The following HMMR variants were observed in gnomAD, a reference collection of about 807,000 sequenced individuals.
The protein encoded by HMMR is hyaluronan mediated motility receptor, also known as intracellular hyaluronic acid-binding protein.
In HMMR, 108 loss-of-function variants were observed where a neutral mutation model predicts 101.0. That is an observed-to-expected ratio of 1.07 (90% CI 0.92 to 1.25). The LOEUF is 1.25. Ranked by LOEUF, HMMR falls within the 50% of genes most tolerant of loss-of-function variation. The probability of loss-of-function intolerance (pLI) is 0.00; values close to 1 mark genes in which losing one functional copy is unlikely to be tolerated. For synonymous variants in HMMR, 296 were observed against 276.4 expected (o/e 1.07, Z -0.70); for missense variants, 813 against 788.7 (o/e 1.03, Z -0.37).
chr5:163,487,569 T>C (rs994226748), intron 16 of HMMR, among the ~76,000 whole-genome samples: 1 of 152,166 alleles, frequency 6.6e-6, no homozygotes, highest in Non-Finnish European at 1.5e-5. Flanking sequence ...CTTGTGAATA[T>C]TTTTTGGTTA....
chr5:163,464,793 G>T lies in HMMR; in HGVS notation c.216G>T (p.Ser72=), dbSNP rs751047670. Residue 72 remains serine (S), a synonymous_variant, in exon 3 of 18, where the codon TCG becomes TCT. Coordinates refer to ENST00000393915, the MANE Select transcript of HMMR (RefSeq NM_001142556.2). ...LPASARKVKS[S]ESKKESQKND... ...CTTCAGCTAGAAAAGTTAAGTCTTC[G>T]GAATCAAAGGTGAGGAGCTTTTATA... The T allele has an allele frequency of 4.4e-6, 7 of 1,605,896 alleles. No individual in the cohort carries two copies. The highest frequency in any genetic ancestry group is 6.0e-6 in the Non-Finnish European group (7 of 1,173,060).
intron 4 of HMMR, 95 bp from the exon 5 acceptor site, chr5:163,469,546 A>AT (rs1758805667): frequency 5.1e-6 from 5 of 985,152 alleles, no homozygotes; most frequent in East Asian, 2.4e-5. Context: ...AAAATCAGAG[A>AT]TTTTTCCAGA....
intron 7 of HMMR, among the ~76,000 whole-genome samples, chr5:163,472,347 ACTCTT>A (rs776998445): frequency 1.8e-4 from 27 of 151,422 alleles, no homozygotes; most frequent in Non-Finnish European, 3.7e-4. Flanking sequence ...CCATCTCTTT[ACTCTT>A]CTCCTTTTGA....
At chr5:163,469,563 AGGG>A in intron 4 of HMMR, 75 bp from the exon 5 acceptor site, 1 of 1,163,584 alleles carries the variant, frequency 8.6e-7, no homozygotes, top group Non-Finnish European at 1.3e-6. Context: ...CAGAAACTTT[AGGG>A]GTGATTATTG....
chr5:163,488,351 TCA>T (rs966364208), intron 16 of HMMR, among the ~76,000 whole-genome samples: 1 of 152,142 alleles, frequency 6.6e-6, no homozygotes, highest in African/African-American at 2.4e-5. Context: ...CCGATTACTC[TCA>T]GACATTTTTT....
At chr5:163,468,533 T>A (rs1758770996) in intron 4 of HMMR, among the ~76,000 whole-genome samples, 1 of 152,248 alleles carries the variant, frequency 6.6e-6, no homozygotes, top group African/African-American at 2.4e-5. Flanking sequence ...TATATTAAAA[T>A]CTTTCATTTG....
intron 16 of HMMR, among the ~76,000 whole-genome samples, 153 bp from the exon 17 acceptor site, chr5:163,490,237 A>C (rs1252298711): frequency 1.3e-5 from 2 of 152,108 alleles, no homozygotes; most frequent in East Asian, 3.9e-4. Context: ...GTCATTTTGT[A>C]ATTCAGTCTT....
chr5:163,479,630 T>A (rs757047818), intron 12 of HMMR, among the ~76,000 whole-genome samples: 3 of 152,134 alleles, frequency 2.0e-5, no homozygotes, highest in Non-Finnish European at 4.4e-5. Context: ...ACCACTGCGC[T>A]CCAGCCTGGG....
intron 9 of HMMR, 87 bp from the exon 10 acceptor site, chr5:163,473,970 G>A: frequency 2.0e-6 from 2 of 1,023,152 alleles, no homozygotes; most frequent in Non-Finnish European, 1.5e-6. Context: ...GCTAAAAGCA[G>A]TGTAATGGAA....
intron 4 of HMMR, among the ~76,000 whole-genome samples, chr5:163,468,967 C>T (rs866261821): frequency 1.3e-5 from 2 of 152,064 alleles, no homozygotes; most frequent in Non-Finnish European, 2.9e-5. Flanking sequence ...AGAAGCCCAG[C>T]TCTGCCTTCT....
rs1374661366 is a variant in HMMR, at chr5:163,473,378, G to T, written c.726-1G>T. The stretch of plus-strand genomic sequence containing the variant: ...TTTTAAGATAATTTGTTTTAATGCA[G>T]TTGTGCTTCAGATCAAGTGGAAAAA... On this transcript the variant is annotated splice_acceptor_variant, in intron 8 of 17. Transcript: ENST00000393915. LOFTEE classifies it high-confidence loss of function. 2 of 1,607,220 alleles carry T rather than the reference G, an allele frequency of 1.2e-6. No individual in the cohort carries two copies. Among genetic ancestry groups the T allele is most frequent in the Non-Finnish European group, 1.7e-6 (2 of 1,176,286 alleles).
At chr5:163,465,415 C>T (rs1299638490) in intron 3 of HMMR, among the ~76,000 whole-genome samples, 3 of 152,118 alleles carry the variant, frequency 2.0e-5, no homozygotes, top group African/African-American at 7.2e-5. Flanking sequence ...CTTACTGCAG[C>T]CTCTGTCCCC....
intron 3 of HMMR, among the ~76,000 whole-genome samples, chr5:163,465,748 A>G (rs1196324014): frequency 6.6e-6 from 1 of 151,900 alleles, no homozygotes; most frequent in Non-Finnish European, 1.5e-5. Flanking sequence ...ACTTGAGGTC[A>G]GGAGTTTGAG....
At position 163,474,210 on chromosome 5, in the gene HMMR, T is replaced by A; in HGVS notation, c.1053+5T>A. On this transcript the variant is annotated splice_donor_5th_base_variant and intron_variant, in intron 10 of 17. Transcript: ENST00000393915. ...TCACTTCTGCAACAAGAGAAAGTAA[T>A]TTACCACCATATTTTTTTAAACTGT... 1 of 1,596,542 alleles carries A rather than the reference T, an allele frequency of 6.3e-7. No homozygotes were observed. Among genetic ancestry groups the A allele is most frequent in the Non-Finnish European group, 8.5e-7 (1 of 1,171,326 alleles).
chr5:163,482,710 C>A lies in HMMR; in HGVS notation c.1454C>A (p.Ala485Glu), dbSNP rs299295. 6.2e-7 allele frequency: 1 copy of A among 1,612,492 alleles called. No homozygotes were observed. Among genetic ancestry groups the A allele is most frequent in the Non-Finnish European group, 8.5e-7 (1 of 1,178,848 alleles). The change falls in exon 13 of 18, where the codon GCG becomes GAG. Residue 485 changes from alanine (A) to glutamate (E), a missense_variant. By Grantham distance (107) the Ala-to-Glu change is moderately radical (BLOSUM62 -1). Transcript: ENST00000393915. ...KLENSSLQEK[A>E]AKAGKNAEDV... is the part of the protein sequence containing the mutation. The stretch of plus-strand genomic sequence containing the variant: ...GAGAACTCATCATTACAGGAAAAAG[C>A]GGCCAAGGCTGGGAAAAATGCAGAG...
At chr5:163,468,917 G>C (rs1054591344) in intron 4 of HMMR, among the ~76,000 whole-genome samples, 1 of 151,910 alleles carries the variant, frequency 6.6e-6, no homozygotes, top group African/African-American at 2.4e-5. Flanking sequence ...GGTAATAGCA[G>C]CAAGAATGAT....
In HMMR at chr5:163,483,287, A is replaced by G. The variant is rs1461535357; in HGVS notation, c.1705A>G (p.Thr569Ala). 1 of 1,609,258 alleles carries G rather than the reference A, an allele frequency of 6.2e-7. No homozygotes were observed. Among genetic ancestry groups the G allele is most frequent in the Non-Finnish European group, 8.5e-7 (1 of 1,176,202 alleles). ...ATGCAGAAAAGCTGAAAAAGAAAAT[A>G]CAACAGCAGAATTAACTGAAGAAAT... Reference protein sequence around the residue: ...EEGRKAEKENTTAELTEEINK... With the variant: ...EEGRKAEKENATAELTEEINK... The change falls in exon 15 of 18, where the codon ACA becomes GCA. Residue 569 changes from threonine (T) to alanine (A), a missense_variant. Physicochemically the swap from Thr to Ala is moderately conservative, Grantham distance 58. Coordinates refer to ENST00000393915, the MANE Select transcript of HMMR (RefSeq NM_001142556.2).
intron 10 of HMMR, 107 bp downstream of exon 10, chr5:163,474,312 C>A: frequency 1.2e-6 from 1 of 800,210 alleles, no homozygotes; most frequent in Non-Finnish European, 2.0e-6. Context: ...CCAATTCTAT[C>A]TTTAGAGTCT....
chr5:163,470,054 GC>G (rs1170419744), intron 5 of HMMR: 1 of 354,438 alleles, frequency 2.8e-6, no homozygotes, highest in African/African-American at 2.1e-5. Context: ...TGTAATCTCA[GC>G]TACTCGGGAG....
Sources: allele counts gnomAD v4.1 joint callset (sites outside exome capture counted in the v4.1 genomes callset), GRCh38; gene constraint gnomAD v4.1.1; transcripts MANE v1.5; gene names NCBI Gene and HGNC (gene_info 2026-07-23, HGNC 2026-07-21).